The following PRRC2B variants were observed in gnomAD, a reference collection of about 807,000 sequenced individuals.
The protein encoded by PRRC2B is protein PRRC2B.
Under a neutral mutation model 242.3 loss-of-function variants are expected in PRRC2B, and 68 were observed. The observed-to-expected ratio is 0.28, with a 90% CI of 0.23 to 0.34. PRRC2B has a LOEUF of 0.34. PRRC2B is among the 10% of genes least tolerant of loss of function. PRRC2B has a pLI of 1.00. For missense variants in PRRC2B, 2,835 were observed against 2,954.8 expected (o/e 0.96, Z 0.94); for synonymous variants, 1,228 against 1,173.6 (o/e 1.05, Z -0.95).
At chr9:131,436,057 A>G (rs772303668) in intron 3 of PRRC2B, among the ~76,000 whole-genome samples, 4 of 152,232 alleles carry the variant, frequency 2.6e-5, no homozygotes, top group Non-Finnish European at 5.9e-5. Context: ...CTGAGTAGGT[A>G]TGGGCTCTGG....
At chr9:131,479,968 T>G (rs1281693312) in intron 19 of PRRC2B, among the ~76,000 whole-genome samples, 1 of 152,238 alleles carries the variant, frequency 6.6e-6, no homozygotes, top group East Asian at 1.9e-4. Flanking sequence ...GAATTTTTCC[T>G]TATAAAATAG....
chr9:131,474,691 A>G lies in PRRC2B; in HGVS notation c.2562A>G (p.Pro854=), dbSNP rs1943637276. The change falls in exon 16 of 32, where the codon CCA becomes CCG. Residue 854 remains proline, a synonymous_variant. Transcript: ENST00000683519. ...GGHTQNLRCS[P]LEPDFVPDEK... is the part of the protein sequence containing the mutation. Reference sequence around the variant, plus strand: ...ACACCCAAAACCTCAGGTGTTCCCCATTGGAGCCTGACTTTGTCCCAGATG... The same window carrying G: ...ACACCCAAAACCTCAGGTGTTCCCCGTTGGAGCCTGACTTTGTCCCAGATG... The G allele has an allele frequency of 6.2e-6, 10 of 1,613,106 alleles. No individual in the cohort carries two copies. The highest frequency in any genetic ancestry group is 1.7e-4 in the Middle Eastern group (1 of 6,058).
chr9:131,454,557 C>T (rs753493130), intron 9 of PRRC2B, among the ~76,000 whole-genome samples: 5 of 152,164 alleles, frequency 3.3e-5, no homozygotes, highest in Non-Finnish European at 4.4e-5. Context: ...GTGGTTGACT[C>T]AGCTCCTCTG....
At chr9:131,420,036 TG>T (rs1425298706) in intron 1 of PRRC2B, among the ~76,000 whole-genome samples, 10 of 152,030 alleles carry the variant, frequency 6.6e-5, no homozygotes, top group Non-Finnish European at 1.5e-4. Context: ...CCACTGGGGG[TG>T]GGGAGTGCTT....
rs371352408 is a variant in PRRC2B, at chr9:131,471,003, G to A, written c.2107+20G>A. The A allele has an allele frequency of 1.9e-5, 30 of 1,572,628 alleles. No homozygotes were observed. The highest frequency in any genetic ancestry group is 2.3e-5 in the Non-Finnish European group (27 of 1,150,172). ...CCTCAGGTAAGCACTGTGGTCTGAC[G>A]GTCCATACCTGTATCACCCAGGATA... On this transcript the variant is annotated intron_variant, in intron 14 of 31. Transcript: ENST00000683519.
chr9:131,467,875 C>A, intron 13 of PRRC2B, 122 bp downstream of exon 13: 2 of 961,350 alleles, frequency 2.1e-6, no homozygotes, highest in Non-Finnish European at 1.5e-6. Flanking sequence ...CCCTTATGTG[C>A]CCCCAAGACC....
At chr9:131,404,202 A>C (rs897809268) in intron 1 of PRRC2B, among the ~76,000 whole-genome samples, 8 of 150,916 alleles carry the variant, frequency 5.3e-5, no homozygotes, top group Non-Finnish European at 7.4e-5. Context: ...CATGGTTTAG[A>C]TATTCCCAGT....
In PRRC2B at chr9:131,420,495, T is replaced by TTCTTTCTTTCTTTCTTC. The variant is rs1373568254; in HGVS notation, c.-51-9598_-51-9597insCTTTCTTTCTTTCTTCT. On this transcript the variant is annotated intron_variant, in intron 1 of 31. Transcript: ENST00000683519. ...TTTCTTTCTTTCTTTCTTTCTTTCT[T>TTCTTTCTTTCTTTCTTC]TTTTTTTTTTTTTTTGAGATGGAGG... Among the ~76,000 whole-genome samples the TTCTTTCTTTCTTTCTTC allele has an allele frequency of 2.5e-5, 2 of 79,862 alleles. 1 individual carries two copies. The highest frequency in any genetic ancestry group is 5.8e-4 in the East Asian group (2 of 3,420). 52.4% of individuals were successfully genotyped at this position (79,862 alleles called of 152,430 possible). A position where few individuals can be genotyped will look rare whatever the true frequency, so the allele number is the denominator to read the frequency against.
chr9:131,487,782 A>T lies in PRRC2B; in HGVS notation c.5985-74A>T, dbSNP rs577387209. On this transcript the variant is annotated intron_variant, in intron 27 of 31. Transcript: ENST00000683519. The surrounding 1 kb of genome is among the most constrained non-coding windows in gnomAD (Gnocchi z 5.3). ...CTGTGGTTTAGCAAGCTCTCCGGGG[A>T]TCTCTGAAGGGTGGGACCAGATCCG... 142 of 1,542,104 alleles carry T rather than the reference A, an allele frequency of 9.2e-5. No individual in the cohort carries two copies. The African/African-American group carries it at 1.7e-3, about 18-fold the overall frequency.
At chr9:131,492,076 C>T (rs1031340624) in intron 29 of PRRC2B, 93 bp from the exon 30 acceptor site, 1 of 987,390 alleles carries the variant, frequency 1.0e-6, no homozygotes, top group African/African-American at 1.6e-5. Context: ...TCCCATGGCC[C>T]TCACCACCTC....
chr9:131,419,961 A>G (rs1837757403), intron 1 of PRRC2B, among the ~76,000 whole-genome samples: 1 of 151,600 alleles, frequency 6.6e-6, no homozygotes, highest in Non-Finnish European at 1.5e-5. Flanking sequence ...GGTGGAGGGG[A>G]CCCAGCTGAC....
At chr9:131,385,354 A>G (rs75755241) in intron 1 of PRRC2B, among the ~76,000 whole-genome samples, 1 of 149,382 alleles carries the variant, frequency 6.7e-6, no homozygotes, top group African/African-American at 2.4e-5. Context: ...AAAAAAAAAA[A>G]GTTTCCTTCA....
chr9:131,446,734 CCT>C lies in PRRC2B; in HGVS notation c.855+95_855+96del. 1 of 1,419,032 alleles carries C rather than the reference CCT, an allele frequency of 7.0e-7. No homozygotes were observed. The highest frequency in any genetic ancestry group is 1.3e-5 in the South Asian group (1 of 75,374). The allele number at this position is 1,419,032 out of a possible 1,614,324, so 87.9% of individuals were successfully genotyped here. The stretch of plus-strand genomic sequence containing the variant: ...TGGTTGAATGTCCCCCTTGGGGTCT[CCT>C]CTTGGCCCTGTTACCCTACTTCTGA... On this transcript the variant is annotated intron_variant, in intron 7 of 31. Coordinates refer to ENST00000683519, the MANE Select transcript of PRRC2B (RefSeq NM_013318.4). This position sits in a 1 kb window ranked among gnomAD's most constrained non-coding sequence, Gnocchi z 4.1.
intron 1 of PRRC2B, among the ~76,000 whole-genome samples, chr9:131,403,664 A>T (rs1228203093): frequency 1.4e-4 from 1 of 7,380 alleles, no homozygotes; most frequent in African/African-American, 1.8e-4. Flanking sequence ...CCATACTTTA[A>T]AAAAAAAAAA....
intron 1 of PRRC2B, among the ~76,000 whole-genome samples, chr9:131,406,644 A>T (rs867807965): frequency 3.3e-5 from 5 of 152,134 alleles, no homozygotes; most frequent in Non-Finnish European, 7.3e-5. Context: ...AACCTGTCTC[A>T]CAGCATTGCT....
At chr9:131,422,800 C>T (rs1451385623) in intron 1 of PRRC2B, among the ~76,000 whole-genome samples, 4 of 152,198 alleles carry the variant, frequency 2.6e-5, no homozygotes, top group Non-Finnish European at 5.9e-5. Context: ...CCTGGGAGCA[C>T]TTCTTTAGAT....
intron 1 of PRRC2B, among the ~76,000 whole-genome samples, chr9:131,396,390 A>G (rs1217140854): frequency 7.4e-6 from 1 of 135,576 alleles, no homozygotes; most frequent in African/African-American, 2.9e-5. Context: ...CAGTGATGTG[A>G]TCTCAGCTCA....
chr9:131,417,779 C>T (rs1023317394), intron 1 of PRRC2B, among the ~76,000 whole-genome samples: 14 of 152,138 alleles, frequency 9.2e-5, no homozygotes, highest in African/African-American at 3.4e-4. Context: ...GAATTAAGGG[C>T]CATCTGTGGG....
rs1361832699 is a variant in PRRC2B at position 131,475,658 on chromosome 9, T to C, written c.3529T>C (p.Ser1177Pro). 2 of 1,611,216 alleles carry C rather than the reference T, an allele frequency of 1.2e-6. No homozygotes were observed. The highest frequency in any genetic ancestry group is 1.7e-6 in the Non-Finnish European group (2 of 1,178,676). ...CTTGAAGAAGGGCGACTGCAGAGAT[T>C]CTTGGCGGTCCAACAAGGGGTGCTC... ...STLKKGDCRD[S>P]WRSNKGCSED... The change falls in exon 16 of 32, where the codon TCT becomes CCT. Residue 1177 changes from serine (S) to proline (P), a missense_variant. Around this residue, in one of 7 missense-constraint regions of PRRC2B, gnomAD observed 1,536 missense variants for 1,483.1 expected, o/e 1.04. Coordinates refer to ENST00000683519, the MANE Select transcript of PRRC2B (RefSeq NM_013318.4).
Sources: allele counts gnomAD v4.1 joint callset (sites outside exome capture counted in the v4.1 genomes callset), GRCh38; gene constraint gnomAD v4.1.1; regional missense constraint gnomAD v4.1.1; non-coding constraint Gnocchi (gnomAD v3.1); transcripts MANE v1.5; gene names NCBI Gene and HGNC (gene_info 2026-07-23, HGNC 2026-07-21).